TENM3: variants seen among roughly 807,000 people sequenced by gnomAD.
The protein encoded by TENM3 is teneurin transmembrane protein 3.
A neutral mutation model predicts 255.1 loss-of-function variants in TENM3; 63 were observed. The ratio of observed to expected loss-of-function variants is 0.25; its 90% CI spans 0.20 to 0.30. TENM3 has a LOEUF of 0.30. Among genes scored for constraint, TENM3 ranks in the 10% least tolerant of loss-of-function variants. TENM3 has a pLI of 1.00. For synonymous variants in TENM3, 1,306 were observed against 1,322.3 expected, an observed-to-expected ratio of 0.99 and a Z score of 0.27; for missense variants, 2,929 against 3,461.1, an observed-to-expected ratio of 0.85 and a Z score of 3.86.
At chr4:182,101,573 C>G in the TENM3 span, among the ~76,000 whole-genome samples, 1 of 152,052 alleles carries the variant, frequency 6.6e-6, no homozygotes, top group African/African-American at 2.4e-5. Context: ...AAGTTGAACT[C>G]ATAGAAGTAG....
At chr4:181,537,201 C>T in the TENM3 span, among the ~76,000 whole-genome samples, 1 of 152,158 alleles carries the variant, frequency 6.6e-6, no homozygotes, top group Admixed American at 6.5e-5. Context: ...GGAGTCTACA[C>T]CTTTGACATC....
chr4:182,381,386 G>C (rs535018493), intron 3 of TENM3, among the ~76,000 whole-genome samples: 1 of 152,134 alleles, frequency 6.6e-6, no homozygotes, highest in Non-Finnish European at 1.5e-5. Context: ...AGATGGTTTC[G>C]ATACTGGGAT....
chr4:182,652,822 T>C (rs551186041), intron 5 of TENM3, among the ~76,000 whole-genome samples: 2 of 152,338 alleles, frequency 1.3e-5, no homozygotes, highest in African/African-American at 4.8e-5. Context: ...TATGGTAATA[T>C]GACCATCACT....
the TENM3 span, among the ~76,000 whole-genome samples, chr4:181,614,555 C>A: frequency 2.0e-5 from 3 of 152,222 alleles, no homozygotes; most frequent in South Asian, 6.2e-4. Flanking sequence ...GCAATCTTGC[C>A]CAAGGATCTC....
the TENM3 span, among the ~76,000 whole-genome samples, chr4:181,962,878 C>T: frequency 3.3e-5 from 5 of 152,098 alleles, no homozygotes; most frequent in African/African-American, 4.8e-5. Flanking sequence ...ATAAATGGTA[C>T]GTAAAATTTC....
intron 4 of TENM3, among the ~76,000 whole-genome samples, chr4:182,616,999 A>T (rs1749607288): frequency 6.6e-6 from 1 of 152,250 alleles, no homozygotes; most frequent in Non-Finnish European, 1.5e-5. Flanking sequence ...TAGTTTGAAC[A>T]CATTGCTAAA....
intron 20 of TENM3, 52 bp downstream of exon 20, chr4:182,752,084 A>G: frequency 1.7e-6 from 2 of 1,149,854 alleles, no homozygotes; most frequent in Non-Finnish European, 2.4e-6. Flanking sequence ...AAAAAAAAAA[A>G]AAAAGGGGTT....
At chr4:182,651,698 G>GAAAAAAA (rs560075723) in intron 5 of TENM3, among the ~76,000 whole-genome samples, 4 of 146,272 alleles carry the variant, frequency 2.7e-5, no homozygotes, top group South Asian at 2.2e-4. Flanking sequence ...CTCCGTCTCA[G>GAAAAAAA]AAAAAAAAAA....
chr4:182,741,005 G>A (rs1026526610), intron 18 of TENM3, among the ~76,000 whole-genome samples: 6 of 152,024 alleles, frequency 3.9e-5, no homozygotes, highest in Non-Finnish European at 5.9e-5. Flanking sequence ...GTGGAACCCC[G>A]TGTCTACTAA....
the TENM3 span, among the ~76,000 whole-genome samples, chr4:182,002,836 T>C: frequency 6.6e-6 from 1 of 152,138 alleles, no homozygotes; most frequent in African/African-American, 2.4e-5. Flanking sequence ...TACTTCTGCA[T>C]CATATTTTTC....
At chr4:182,434,007 G>A (rs747041303) in intron 3 of TENM3, among the ~76,000 whole-genome samples, 23 of 152,022 alleles carry the variant, frequency 1.5e-4, no homozygotes, top group Non-Finnish European at 3.1e-4. Flanking sequence ...CCTGCTGCTC[G>A]GGAGACTGAG....
chr4:181,533,409 G>C, the TENM3 span, among the ~76,000 whole-genome samples: 6 of 152,084 alleles, frequency 3.9e-5, no homozygotes, highest in South Asian at 1.2e-3. Flanking sequence ...TCACCCTCTG[G>C]GGAAGAAGAG....
At chr4:182,071,203 T>C in the TENM3 span, among the ~76,000 whole-genome samples, 1 of 152,218 alleles carries the variant, frequency 6.6e-6, no homozygotes, top group African/African-American at 2.4e-5. Flanking sequence ...AAGTTCTTAT[T>C]TGAGCCAGTG....
chr4:181,654,351 G>A, the TENM3 span, among the ~76,000 whole-genome samples: 2 of 151,922 alleles, frequency 1.3e-5, no homozygotes, highest in Admixed American at 6.6e-5. Flanking sequence ...TGAGACATTC[G>A]AGCTTAATTG....
rs141063545 is a variant in TENM3, at chr4:182,192,883, A to G, written c.-76+48129A>G. ...TGGATCTTTCTTCTGCATGCCAGCC[A>G]CAAAGCTTTCCTAAACTTCTGTCTG... On this transcript the variant is annotated intron_variant, in intron 1 of 2. Transcript: ENST00000512480. Among the ~76,000 whole-genome samples the G allele has an allele frequency of 2.8e-3, 431 of 152,346 alleles. 2 individuals carry two copies. Among genetic ancestry groups the G allele is most frequent in the African/African-American group, 1.0e-2 (414 of 41,584 alleles).
chr4:181,871,061 A>C, the TENM3 span, among the ~76,000 whole-genome samples: 2 of 152,080 alleles, frequency 1.3e-5, no homozygotes, highest in Non-Finnish European at 2.9e-5. Context: ...ATTTTAGTGA[A>C]CGTTGATGGG....
chr4:182,681,491 G>A (rs72703932), intron 10 of TENM3, among the ~76,000 whole-genome samples: 35 of 152,126 alleles, frequency 2.3e-4, no homozygotes, highest in Non-Finnish European at 3.1e-4. Context: ...CACAGATTTT[G>A]TTATAGAGAA....
chr4:182,666,709 C>T (rs754069375), intron 6 of TENM3, among the ~76,000 whole-genome samples: 26 of 151,934 alleles, frequency 1.7e-4, no homozygotes, highest in Non-Finnish European at 1.0e-4. Context: ...CCAGCCTAGA[C>T]GACATGTTGA....
the TENM3 span, among the ~76,000 whole-genome samples, chr4:182,112,933 G>A: frequency 6.6e-6 from 1 of 152,102 alleles, no homozygotes; most frequent in Admixed American, 6.6e-5. Flanking sequence ...TAACAGTCTG[G>A]ATGACATGCT....
Sources: allele counts gnomAD v4.1 joint callset (sites outside exome capture counted in the v4.1 genomes callset), GRCh38; gene constraint gnomAD v4.1.1; transcripts MANE v1.5; gene names NCBI Gene and HGNC (gene_info 2026-07-23, HGNC 2026-07-21).